Variants in TRAPPC9 observed in about 807,000 individuals in gnomAD.
TRAPPC9 encodes trafficking protein particle complex subunit 9, also known as IKK2 binding protein.
Under a neutral mutation model 124.0 loss-of-function variants are expected in TRAPPC9, and 83 were observed. The ratio of observed to expected loss-of-function variants is 0.67; its 90% CI spans 0.56 to 0.80. The LOEUF (loss-of-function observed/expected upper bound fraction) is 0.80, where lower values mean the gene tolerates loss of function less well. Among genes scored for constraint, TRAPPC9 ranks in the 30% least tolerant of loss-of-function variants. TRAPPC9 has a pLI of 0.00. For synonymous variants in TRAPPC9, 638 were observed against 617.5 expected (o/e 1.03, Z -0.49); for missense variants, 1,302 against 1,508.3 (o/e 0.86, Z 2.27).
At chr8:139,745,353 A>T (rs746914948) in intron 21 of TRAPPC9, among the ~76,000 whole-genome samples, 4 of 152,192 alleles carry the variant, frequency 2.6e-5, no homozygotes, top group Non-Finnish European at 5.9e-5. Flanking sequence ...AGTGAAGGAG[A>T]GGGCTGAGCT....
intron 19 of TRAPPC9, among the ~76,000 whole-genome samples, chr8:139,965,237 G>A (rs1835624041): frequency 6.6e-6 from 1 of 152,238 alleles, no homozygotes; most frequent in South Asian, 2.1e-4. Flanking sequence ...AGAAATGATT[G>A]TGCAGTGGAA....
chr8:139,978,580 C>T (rs994925757), intron 19 of TRAPPC9, among the ~76,000 whole-genome samples: 2 of 152,154 alleles, frequency 1.3e-5, no homozygotes, highest in African/African-American at 2.4e-5. Flanking sequence ...AAAAATCCAC[C>T]GAGCATTGCT....
intron 1 of TRAPPC9, among the ~76,000 whole-genome samples, chr8:140,453,992 T>C (rs1194474855): frequency 6.6e-6 from 1 of 152,170 alleles, no homozygotes; most frequent in Non-Finnish European, 1.5e-5. Context: ...GGCCTTATTT[T>C]AGAAGTATCA....
At chr8:140,089,348 C>T (rs1844416242) in intron 17 of TRAPPC9, among the ~76,000 whole-genome samples, 1 of 152,188 alleles carries the variant, frequency 6.6e-6, no homozygotes, top group African/African-American at 2.4e-5. Flanking sequence ...TTTTTCAGAA[C>T]TAAGACTTGC....
At chr8:139,789,864 T>G (rs758702695) in intron 21 of TRAPPC9, among the ~76,000 whole-genome samples, 1 of 152,160 alleles carries the variant, frequency 6.6e-6, no homozygotes, top group East Asian at 1.9e-4. Context: ...ACATCCCTTC[T>G]GTAGGCCGGC....
chr8:140,021,893 G>A (rs927381763), intron 18 of TRAPPC9, among the ~76,000 whole-genome samples: 1 of 152,230 alleles, frequency 6.6e-6, no homozygotes, highest in Non-Finnish European at 1.5e-5. Flanking sequence ...CTTCATTTAA[G>A]AGAGAGAACA....
intron 9 of TRAPPC9, among the ~76,000 whole-genome samples, chr8:140,334,010 T>C (rs1440588500): frequency 6.6e-6 from 1 of 152,164 alleles, no homozygotes; most frequent in East Asian, 1.9e-4. Context: ...CCCAAAACCT[T>C]ACCAAAAAAG....
At chr8:140,262,395 C>A (rs979971335) in intron 15 of TRAPPC9, among the ~76,000 whole-genome samples, 1 of 150,776 alleles carries the variant, frequency 6.6e-6, no homozygotes, top group Non-Finnish European at 1.5e-5. Flanking sequence ...ACAGGTCTCA[C>A]AGAACTGATT....
chr8:139,941,336 G>A (rs1181720582), intron 19 of TRAPPC9, among the ~76,000 whole-genome samples: 1 of 152,226 alleles, frequency 6.6e-6, no homozygotes, highest in Non-Finnish European at 1.5e-5. Context: ...TTCCCTGGAG[G>A]GCCGGCAGCC....
rs191766929 is a variant in TRAPPC9, at chr8:139,839,644, A to G, written c.3055+46235T>C. ...AACTGCTCCCCGAAAGCGGATGCTCATGGCGCATTCCTTCTTCCCACTGCT... is the reference window on the plus strand; with the variant it reads ...AACTGCTCCCCGAAAGCGGATGCTCGTGGCGCATTCCTTCTTCCCACTGCT... On this transcript the variant is annotated intron_variant, in intron 21 of 22. Transcript: ENST00000438773. Among the ~76,000 whole-genome samples the G allele has an allele frequency of 2.4e-4, 36 of 152,340 alleles. 1 individual carries two copies. Among genetic ancestry groups the G allele is most frequent in the Middle Eastern group, 3.4e-3 (1 of 294 alleles).
chr8:140,233,282 G>A (rs1329496167), intron 16 of TRAPPC9, among the ~76,000 whole-genome samples: 1 of 151,790 alleles, frequency 6.6e-6, no homozygotes, highest in Non-Finnish European at 1.5e-5. Context: ...TCAGCTCACT[G>A]CAACCTCTGC....
intron 17 of TRAPPC9, among the ~76,000 whole-genome samples, chr8:140,135,738 G>A (rs764024415): frequency 9.2e-5 from 14 of 152,362 alleles, no homozygotes; most frequent in African/African-American, 1.2e-4. Context: ...GGTGAATGCA[G>A]TTAATGCCAC....
intron 9 of TRAPPC9, among the ~76,000 whole-genome samples, chr8:140,329,725 G>A (rs1266497852): frequency 6.6e-6 from 1 of 152,018 alleles, no homozygotes; most frequent in Admixed American, 6.6e-5. Flanking sequence ...GGAATCTAAG[G>A]CTTGGAAAGG....
At chr8:140,368,968 G>A (rs1396666149) in intron 8 of TRAPPC9, among the ~76,000 whole-genome samples, 1 of 152,138 alleles carries the variant, frequency 6.6e-6, no homozygotes, top group African/African-American at 2.4e-5. Context: ...TGCCAAATCT[G>A]GCCACCATGT....
intron 17 of TRAPPC9, among the ~76,000 whole-genome samples, chr8:140,029,600 A>G (rs1000024626): frequency 6.6e-6 from 1 of 151,608 alleles, no homozygotes; most frequent in African/African-American, 2.4e-5. Context: ...CATTGTGCAC[A>G]TGTACCCTAA....
At chr8:139,994,775 G>C (rs549645412) in intron 18 of TRAPPC9, among the ~76,000 whole-genome samples, 1 of 152,232 alleles carries the variant, frequency 6.6e-6, no homozygotes, top group Non-Finnish European at 1.5e-5. Context: ...TCATGTGATG[G>C]TCTTGGAGGA....
chr8:140,036,801 G>C (rs1041210508), intron 17 of TRAPPC9, among the ~76,000 whole-genome samples: 2 of 152,120 alleles, frequency 1.3e-5, no homozygotes, highest in Admixed American at 1.3e-4. Flanking sequence ...AAGATGCCGC[G>C]TGTGTGTTTA....
chr8:139,768,046 A>C (rs1444504797), intron 21 of TRAPPC9, among the ~76,000 whole-genome samples: 1 of 152,222 alleles, frequency 6.6e-6, no homozygotes, highest in Non-Finnish European at 1.5e-5. Flanking sequence ...CCAGATTTAT[A>C]ATATGGGCAG....
intron 17 of TRAPPC9, among the ~76,000 whole-genome samples, chr8:140,205,940 A>G (rs2062907027): frequency 6.6e-6 from 1 of 152,178 alleles, no homozygotes; most frequent in Non-Finnish European, 1.5e-5. Context: ...CCTCAGTCTT[A>G]TTTCCAACCC....
Sources: allele counts gnomAD v4.1 joint callset (sites outside exome capture counted in the v4.1 genomes callset), GRCh38; gene constraint gnomAD v4.1.1; transcripts MANE v1.5; gene names NCBI Gene and HGNC (gene_info 2026-07-23, HGNC 2026-07-21).